NT5C1A: variants seen among roughly 807,000 people sequenced by gnomAD.
The protein encoded by NT5C1A is cytosolic 5'-nucleotidase 1A.
In NT5C1A, 18 loss-of-function variants were observed where a neutral mutation model predicts 31.0. The ratio of observed to expected loss-of-function variants is 0.58; its 90% confidence interval spans 0.40 to 0.86. NT5C1A has a LOEUF of 0.86. Ranked by LOEUF, NT5C1A falls within the 40% of genes least tolerant of loss-of-function variation. The probability of loss-of-function intolerance (pLI) is 0.00; values close to 1 mark genes in which losing one functional copy is unlikely to be tolerated. For synonymous variants in NT5C1A, 185 were observed against 203.6 expected (o/e 0.91, Z 0.78); for missense variants, 470 against 505.4 (o/e 0.93, Z 0.67).
At chr1:39,668,707 A>G (rs1162301699) in intron 1 of NT5C1A, among the ~76,000 whole-genome samples, 3 of 152,160 alleles carry the variant, frequency 2.0e-5, no homozygotes, top group Non-Finnish European at 4.4e-5. Flanking sequence ...CATCTCCCCC[A>G]GCCTTCACTT....
intron 1 of NT5C1A, among the ~76,000 whole-genome samples, chr1:39,667,804 A>T (rs1360784868): frequency 6.6e-6 from 1 of 152,238 alleles, no homozygotes; most frequent in African/African-American, 2.4e-5. Context: ...ATATTCCATA[A>T]TCTGTGCTCT....
chr1:39,661,455 C>T (rs1646492850), intron 4 of NT5C1A, among the ~76,000 whole-genome samples, 192 bp from the exon 5 acceptor site: 2 of 152,210 alleles, frequency 1.3e-5, no homozygotes, highest in South Asian at 4.1e-4. Flanking sequence ...AGCAGTGGCT[C>T]TGAAGGAGAT....
At chr1:39,665,389 GAATTTACCA>G (rs1439251568) in intron 3 of NT5C1A, 123 bp downstream of exon 3, 1 of 793,518 alleles carries the variant, frequency 1.3e-6, no homozygotes, top group African/African-American at 1.8e-5. Flanking sequence ...TTTAAAGAGC[GAATTTACCA>G]GCACACACTG....
In NT5C1A at chr1:39,663,537, C is replaced by A. The variant is rs528340370; in HGVS notation, c.434-103G>T. 13 of 1,190,304 alleles carry A rather than the reference C, an allele frequency of 1.1e-5. No homozygotes were observed. The South Asian group carries it at 1.8e-4, about 17-fold the overall frequency. The allele number at this position is 1,190,304 out of a possible 1,614,324, so 73.7% of individuals were successfully genotyped here. A position where few individuals can be genotyped will look rare whatever the true frequency, so the allele number is the denominator to read the frequency against. ...CACCATCCTAGTTCTGGGTGTGGTA[C>A]GGCAGCACAGCGTGTCTCAGTGTAA... is the stretch of plus-strand genomic sequence containing the variant. On this transcript the variant is annotated intron_variant, in intron 3 of 5. Transcript: ENST00000235628.
chr1:39,669,455 C>T (rs1300559779), intron 1 of NT5C1A, among the ~76,000 whole-genome samples: 8 of 152,104 alleles, frequency 5.3e-5, no homozygotes, highest in Admixed American at 2.0e-4. Flanking sequence ...GGCCTTCAGG[C>T]GTTAAATATT....
Position 39,661,153 on chromosome 1 carries a change from G to A in NT5C1A, c.667C>T (p.Arg223Cys), listed in dbSNP as rs772593982. Residue 223 changes from arginine (R) to cysteine (C), a missense_variant, in exon 5 of 6, where the codon CGC (arginine) becomes TGC (cysteine). By Grantham distance (180) the Arg-to-Cys change is radical (BLOSUM62 -3). Coordinates refer to ENST00000235628, the MANE Select transcript of NT5C1A (RefSeq NM_032526.3). ...DAVLFSDESE[R>C]IVKAHGLDRF... is the part of the protein sequence containing the mutation. ...TCCAGCCCGTGGGCCTTGACGATGCGCTCCGACTCGTCCGAGAAGAGCACG... is the reference window on the plus strand; with the variant it reads ...TCCAGCCCGTGGGCCTTGACGATGCACTCCGACTCGTCCGAGAAGAGCACG... 35 of 1,605,070 alleles carry A rather than the reference G, an allele frequency of 2.2e-5. No homozygotes were observed. Among genetic ancestry groups the A allele is most frequent in the East Asian group, 6.7e-5 (3 of 44,692 alleles).
chr1:39,656,781 G>A lies in NT5C1A; in HGVS notation c.*2340C>T, dbSNP rs542067546. Among the ~76,000 whole-genome samples the A allele has an allele frequency of 2.6e-5, 4 of 152,394 alleles. No individual in the cohort carries two copies. The highest frequency in any genetic ancestry group is 9.6e-5 in the African/African-American group (4 of 41,598). The stretch of plus-strand genomic sequence containing the variant: ...TGCCCGGCCTTGTAGGCTTCTTGCA[G>A]TCACTGGTTCTGTGAGCCTTGGAGG... On this transcript the variant is annotated 3_prime_UTR_variant, in exon 6 of 6. Transcript: ENST00000235628.
At chr1:39,661,505 T>C (rs1301936996) in intron 4 of NT5C1A, among the ~76,000 whole-genome samples, 1 of 152,204 alleles carries the variant, frequency 6.6e-6, no homozygotes, top group African/African-American at 2.4e-5. Flanking sequence ...CTGTTGGTTA[T>C]TGCTTTGTGG....
At chr1:39,661,040 C>A in intron 5 of NT5C1A, 39 bp downstream of exon 5, 1 of 1,344,372 alleles carries the variant, frequency 7.4e-7, no homozygotes, top group Non-Finnish European at 1.1e-6. Flanking sequence ...TGGGGAGCTG[C>A]CTTGTTCCTC....
chr1:39,671,857 G>A (rs574687213), intron 1 of NT5C1A, 47 bp downstream of exon 1: 1 of 1,608,578 alleles, frequency 6.2e-7, no homozygotes, highest in Non-Finnish European at 8.5e-7. Context: ...CCCCTCCTCC[G>A]GGGTAACCCT....
chr1:39,662,619 G>A (rs998062454), intron 4 of NT5C1A, among the ~76,000 whole-genome samples: 5 of 152,130 alleles, frequency 3.3e-5, no homozygotes, highest in Non-Finnish European at 1.5e-5. Flanking sequence ...ATATATTGTT[G>A]GTTGATAAAG....
rs1646436562 is a variant in NT5C1A, at chr1:39,652,172, C to T, written c.*6949G>A. On this transcript the variant is annotated 3_prime_UTR_variant, in exon 6 of 6. Coordinates refer to ENST00000235628, the MANE Select transcript of NT5C1A (RefSeq NM_032526.3). ...AGAATCTGAGTGTAATATCCTCAGA[C>T]TCTCAGTGACTTGGGTCTTAAAAAC... 6.7e-6 allele frequency among the ~76,000 whole-genome samples: 1 copy of T among 149,892 alleles called. No homozygotes were observed. Among genetic ancestry groups the T allele is most frequent in the Admixed American group, 6.7e-5 (1 of 14,986 alleles).
Position 39,659,040 on chromosome 1 carries a change from A to G in NT5C1A, c.*81T>C, listed in dbSNP as rs1646476632. The stretch of plus-strand genomic sequence containing the variant: ...AGGCAGAAGGACAGAACAGTGAGAA[A>G]CTAGAGGGATCTACCAGAGGAGGTG... On this transcript the variant is annotated 3_prime_UTR_variant, in exon 6 of 6. Coordinates refer to ENST00000235628, the MANE Select transcript of NT5C1A (RefSeq NM_032526.3). The G allele has an allele frequency of 6.7e-7, 1 of 1,492,518 alleles. No individual in the cohort carries two copies. The highest frequency in any genetic ancestry group is 8.9e-7 in the Non-Finnish European group (1 of 1,118,758). The allele number at this position is 1,492,518 out of a possible 1,614,324, so 92.5% of individuals were successfully genotyped here.
At chr1:39,663,196 G>A in intron 4 of NT5C1A, 116 bp downstream of exon 4, 1 of 1,140,368 alleles carries the variant, frequency 8.8e-7, no homozygotes, top group Non-Finnish European at 1.3e-6. Context: ...GCTCAGCCTT[G>A]CCTTCTAGTT....
At chr1:39,671,807 C>T in intron 1 of NT5C1A, 97 bp downstream of exon 1, 1 of 1,465,800 alleles carries the variant, frequency 6.8e-7, no homozygotes, top group Non-Finnish European at 9.3e-7. Flanking sequence ...GCGTCCCCTC[C>T]CAGAGGGGCG....
intron 3 of NT5C1A, among the ~76,000 whole-genome samples, chr1:39,664,497 T>TCCCCTTCCCCTCCCCTCC (rs1226546503): frequency 4.4e-3 from 8 of 1,820 alleles, no homozygotes; most frequent in African/African-American, 0.014. Flanking sequence ...TCTCCTCCTC[T>TCCCCTTCCCCTCCCCTCC]CCTCTCCTCT....
chr1:39,664,497 T>C (rs368477777), intron 3 of NT5C1A, among the ~76,000 whole-genome samples: 455 of 1,696 alleles, frequency 0.27, 4 homozygotes, highest in Middle Eastern at 0.5. Context: ...TCTCCTCCTC[T>C]CCTCTCCTCT....
At position 39,656,818 on chromosome 1, in the gene NT5C1A, G is replaced by A. The variant is rs1281166345; in HGVS notation, c.*2303C>T. On this transcript the variant is annotated 3_prime_UTR_variant, in exon 6 of 6. Coordinates refer to ENST00000235628, the MANE Select transcript of NT5C1A (RefSeq NM_032526.3). ...GTGAGCCTTGGAGGCTCTTCCACGG[G>A]GGTGATTCTGACCCCTGGGAGTGAG... is the stretch of plus-strand genomic sequence containing the variant. Among the ~76,000 whole-genome samples the A allele has an allele frequency of 6.6e-6, 1 of 152,252 alleles. No individual in the cohort carries two copies. Among genetic ancestry groups the A allele is most frequent in the East Asian group, 1.9e-4 (1 of 5,204 alleles).
intron 3 of NT5C1A, among the ~76,000 whole-genome samples, chr1:39,665,106 A>C (rs746387985): frequency 6.6e-6 from 1 of 152,196 alleles, no homozygotes; most frequent in Non-Finnish European, 1.5e-5. Flanking sequence ...TGACAGCTGC[A>C]CCTGATTCTC....
Sources: allele counts gnomAD v4.1 joint callset (sites outside exome capture counted in the v4.1 genomes callset), GRCh38; gene constraint gnomAD v4.1.1; transcripts MANE v1.5; gene names NCBI Gene and HGNC (gene_info 2026-07-23, HGNC 2026-07-21).